Variants in TPRG1 observed in about 807,000 individuals in gnomAD.
TPRG1 encodes tumor protein p63-regulated gene 1 protein.
In TPRG1, 29 loss-of-function variants were observed where a neutral mutation model predicts 29.3. The observed-to-expected ratio is 0.99, with a 90% CI of 0.74 to 1.35. TPRG1 has a LOEUF of 1.35. Ranked by LOEUF, TPRG1 falls within the 40% of genes most tolerant of loss-of-function variation. The pLI is 0.00. For missense variants in TPRG1, 327 were observed against 335.0 expected (o/e 0.98, Z 0.19); for synonymous variants, 130 against 116.8 (o/e 1.11, Z -0.73).
At chr3:189,129,262 A>C (rs1722840584) in intron 2 of TPRG1, among the ~76,000 whole-genome samples, 1 of 152,082 alleles carries the variant, frequency 6.6e-6, no homozygotes, top group African/African-American at 2.4e-5. Flanking sequence ...ACTTTTGAAG[A>C]GTACTGATGA....
intron 4 of TPRG1, among the ~76,000 whole-genome samples, chr3:189,303,355 A>G (rs1183196616): frequency 6.6e-6 from 1 of 152,340 alleles, no homozygotes; most frequent in East Asian, 1.9e-4. Flanking sequence ...TGAAACCCAA[A>G]GGTTGGTAAT....
chr3:189,103,212 C>A (rs757269362), intron 1 of TPRG1, among the ~76,000 whole-genome samples: 113 of 152,166 alleles, frequency 7.4e-4, no homozygotes, highest in Non-Finnish European at 1.4e-3. Flanking sequence ...CAGAAGCATG[C>A]CCATTCAGTG....
intron 1 of TPRG1, among the ~76,000 whole-genome samples, chr3:189,188,477 C>A (rs1308537746): frequency 6.6e-6 from 1 of 152,210 alleles, no homozygotes; most frequent in East Asian, 1.9e-4. Flanking sequence ...CCTGCCTTTA[C>A]TATCCTGTCT....
chr3:189,301,377 A>T (rs1478715522), intron 4 of TPRG1, among the ~76,000 whole-genome samples: 1 of 150,070 alleles, frequency 6.7e-6, no homozygotes, highest in Non-Finnish European at 1.5e-5. Context: ...AATGCCTAGT[A>T]GGCACTGTTA....
At chr3:189,109,989 C>T (rs1720310660) in intron 1 of TPRG1, among the ~76,000 whole-genome samples, 1 of 152,212 alleles carries the variant, frequency 6.6e-6, no homozygotes, top group African/African-American at 2.4e-5. Flanking sequence ...GCAGTTTGCT[C>T]CTTTTTATTC....
chr3:189,239,901 G>A (rs373265532), intron 4 of TPRG1, among the ~76,000 whole-genome samples: 9 of 152,092 alleles, frequency 5.9e-5, no homozygotes, highest in African/African-American at 9.7e-5. Context: ...CATAGTCTTC[G>A]AGGCATCTGC....
At chr3:189,017,134 CT>C (rs1221182128) in intron 3 of TPRG1, among the ~76,000 whole-genome samples, 1 of 150,836 alleles carries the variant, frequency 6.6e-6, no homozygotes, top group African/African-American at 2.4e-5. Flanking sequence ...TTGTTCATGC[CT>C]TTTCATTTTT....
chr3:189,225,041 C>T (rs1418787390), intron 3 of TPRG1, among the ~76,000 whole-genome samples: 5 of 151,812 alleles, frequency 3.3e-5, no homozygotes, highest in Non-Finnish European at 7.4e-5. Flanking sequence ...ACGCCATTCT[C>T]CTGCCTCAGC....
In TPRG1 at chr3:189,156,259, G is replaced by A. The variant is rs141559137; in HGVS notation, c.-10+5387G>A. Among the ~76,000 whole-genome samples the A allele has an allele frequency of 1.1e-3, 166 of 152,110 alleles. 2 individuals carry two copies. The East Asian group carries it at 0.026, about 24-fold the overall frequency. ...GGCCAGGAGCCAAAGAATGTAGTCA[G>A]CTTCTAGAAGCCGAAAAAATCAAAG... On this transcript the variant is annotated intron_variant, in intron 5 of 6. Coordinates refer to the TPRG1 transcript ENST00000412373.
intron 4 of TPRG1, among the ~76,000 whole-genome samples, chr3:189,300,916 A>T (rs1170292010): frequency 6.6e-6 from 1 of 152,142 alleles, no homozygotes; most frequent in Non-Finnish European, 1.5e-5. Context: ...CCTGGCTCTC[A>T]CTAGTTCTGT....
At chr3:189,211,788 C>T (rs562739942) in intron 2 of TPRG1, 2 of 152,164 alleles carry the variant, frequency 1.3e-5, no homozygotes, top group African/African-American at 4.8e-5. Context: ...CCAGGACCCT[C>T]GATGCTTTCC....
intron 3 of TPRG1, chr3:189,217,774 A>G: frequency 1.0e-6 from 1 of 961,024 alleles, no homozygotes; most frequent in Non-Finnish European, 1.2e-6. Context: ...CTTTTCAAGC[A>G]GAAAAATAAG....
rs1211550661 is a variant in TPRG1 at position 189,322,476 on chromosome 3, C to G, written c.*1656C>G. 1 of 152,416 alleles carries G rather than the reference C, an allele frequency of 6.6e-6. No homozygotes were observed. Among genetic ancestry groups the G allele is most frequent in the Non-Finnish European group, 1.5e-5 (1 of 68,006 alleles). 9.4% of individuals were successfully genotyped at this position (152,416 alleles called of 1,614,324 possible). ...GTCCCCAAGGCAGGGAACTTCTATT[C>G]AGACTGTAAAAGGAAATGTTGAAAT... On this transcript the variant is annotated 3_prime_UTR_variant, in exon 6 of 6. Transcript: ENST00000345063.
At chr3:189,089,014 A>G (rs945207846) in intron 4 of TPRG1, among the ~76,000 whole-genome samples, 5 of 149,466 alleles carry the variant, frequency 3.3e-5, no homozygotes, top group Non-Finnish European at 7.4e-5. Flanking sequence ...CTATCTATCT[A>G]TGTATCATCT....
upstream of TPRG1, among the ~76,000 whole-genome samples, chr3:189,096,661 A>G (rs1369934791): frequency 6.6e-6 from 1 of 152,238 alleles, no homozygotes; most frequent in Non-Finnish European, 1.5e-5. Context: ...ATTAGAAATT[A>G]AAAGTGTGAA....
rs537973396 is a variant in TPRG1 at position 189,036,605 on chromosome 3, A to G, written c.-463+12659A>G. 4.6e-5 allele frequency among the ~76,000 whole-genome samples: 7 copies of G among 152,174 alleles called. 1 individual carries two copies. The highest frequency in any genetic ancestry group is 3.9e-4 in the Admixed American group (6 of 15,272). On this transcript the variant is annotated intron_variant, in intron 4 of 10. Coordinates refer to the TPRG1 transcript ENST00000433971. ...GGAGGAATAATAAAATAATAAAGAT[A>G]ATATAAAATTCAAGAAATAAGAAAT...
At chr3:189,073,570 T>C (rs1716935120) in intron 4 of TPRG1, among the ~76,000 whole-genome samples, 1 of 152,196 alleles carries the variant, frequency 6.6e-6, no homozygotes, top group Admixed American at 6.5e-5. Flanking sequence ...CTGTTTGTAC[T>C]TGGTTTTAGT....
intron 1 of TPRG1, among the ~76,000 whole-genome samples, chr3:189,109,093 C>T (rs1359696419): frequency 6.6e-6 from 1 of 151,824 alleles, no homozygotes; most frequent in Admixed American, 6.6e-5. Context: ...GTATTTTGGT[C>T]AGAAACAAGC....
At chr3:189,294,974 C>T (rs1156699279) in intron 4 of TPRG1, among the ~76,000 whole-genome samples, 1 of 152,186 alleles carries the variant, frequency 6.6e-6, no homozygotes, top group Non-Finnish European at 1.5e-5. Flanking sequence ...TTTACATAAG[C>T]TTTAGGACAA....
Sources: gnomAD v4.1 joint callset for allele counts (sites outside exome capture counted in the v4.1 genomes callset) on GRCh38, gnomAD v4.1.1 for gene constraint, MANE v1.5 for transcripts, NCBI Gene and HGNC (gene_info 2026-07-23, HGNC 2026-07-21) for gene names.